Variants in TANK observed in about 807,000 individuals in gnomAD.
TANK encodes the protein TRAF family member-associated NF-kappa-B activator.
A neutral mutation model predicts 43.6 loss-of-function variants in TANK; 15 were observed. The observed-to-expected ratio is 0.34, with a 90% CI of 0.23 to 0.53. The LOEUF is 0.53. Ranked by LOEUF, TANK falls within the 20% of genes least tolerant of loss-of-function variation. The pLI, the probability that TANK is intolerant of heterozygous loss-of-function variation, is 0.94. For missense variants in TANK, 417 were observed against 498.6 expected, an observed-to-expected ratio of 0.84 and a Z score of 1.56; for synonymous variants, 162 against 178.2, an observed-to-expected ratio of 0.91 and a Z score of 0.73.
At chr2:161,185,122 TAG>T (rs1685598622) in intron 2 of TANK, among the ~76,000 whole-genome samples, 1 of 152,032 alleles carries the variant, frequency 6.6e-6, no homozygotes, top group African/African-American at 2.4e-5. Context: ...AGAATAGGCA[TAG>T]AGAGGGAAAA....
chr2:161,146,581 A>G (rs1207437797), intron 1 of TANK, among the ~76,000 whole-genome samples: 2 of 152,080 alleles, frequency 1.3e-5, no homozygotes, highest in Non-Finnish European at 2.9e-5. Context: ...TCTCTTCTGT[A>G]GGACTGCTGA....
rs748933422 is a variant in TANK at position 161,231,390 on chromosome 2, C to G, written c.940C>G (p.Leu314Val). Residue 314 changes from leucine to valine, a missense_variant, in exon 7 of 8, where the codon CTC (leucine) becomes GTC (valine). Leu to Val is a conservative substitution (Grantham distance 32). Transcript: ENST00000392749. ...AACTGACAAAACAAAGCCCTCAAAT[C>G]TCGTAAACACTTGTATCAGGACAAC... is the stretch of plus-strand genomic sequence containing the variant. ...KTTDKTKPSN[L>V]VNTCIRTTLD... The G allele has an allele frequency of 2.5e-6, 4 of 1,614,166 alleles. No homozygotes were observed. The highest frequency in any genetic ancestry group is 1.7e-5 in the Admixed American group (1 of 60,024).
intron 1 of TANK, among the ~76,000 whole-genome samples, chr2:161,174,981 G>A (rs961423029): frequency 6.6e-6 from 1 of 152,140 alleles, no homozygotes; most frequent in Non-Finnish European, 1.5e-5. Context: ...GAATGGGTAA[G>A]ATCATTCCCA....
chr2:161,216,090 G>C (rs373214295), intron 4 of TANK, among the ~76,000 whole-genome samples: 19 of 152,018 alleles, frequency 1.2e-4, no homozygotes, highest in Non-Finnish European at 8.8e-5. Flanking sequence ...ATAGTAGTGT[G>C]ATTTTTGCAT....
intron 3 of TANK, among the ~76,000 whole-genome samples, chr2:161,204,210 T>C (rs1686547094): frequency 6.6e-6 from 1 of 152,178 alleles, no homozygotes; most frequent in African/African-American, 2.4e-5. Context: ...TGATAGAATA[T>C]ATAAACCAAA....
At chr2:161,225,490 A>G (rs908603059) in intron 6 of TANK, among the ~76,000 whole-genome samples, 24 of 152,214 alleles carry the variant, frequency 1.6e-4, no homozygotes, top group African/African-American at 5.8e-4. Flanking sequence ...TGTTTTGTAA[A>G]TGCTGTACCC....
intron 1 of TANK, among the ~76,000 whole-genome samples, chr2:161,154,452 T>C (rs1684167658): frequency 6.6e-6 from 1 of 152,144 alleles, no homozygotes; most frequent in Admixed American, 6.5e-5. Context: ...TTGTAGGTGG[T>C]AAAGAAACAT....
intron 1 of TANK, among the ~76,000 whole-genome samples, chr2:161,150,716 A>G (rs1175421710): frequency 2.0e-5 from 3 of 150,116 alleles, no homozygotes; most frequent in Non-Finnish European, 4.4e-5. Flanking sequence ...CCTCCCAAAT[A>G]GCCGGGATTA....
At chr2:161,165,328 A>G (rs1220232876) in intron 1 of TANK, among the ~76,000 whole-genome samples, 2 of 152,164 alleles carry the variant, frequency 1.3e-5, no homozygotes, top group African/African-American at 4.8e-5. Flanking sequence ...AGAGACTTAG[A>G]TTCTTTCAAA....
In TANK at chr2:161,231,067, C is replaced by T. The variant is rs1214252903; in HGVS notation, c.617C>T (p.Ala206Val). The T allele has an allele frequency of 6.2e-7, 1 of 1,613,876 alleles. No homozygotes were observed. The highest frequency in any genetic ancestry group is 8.5e-7 in the Non-Finnish European group (1 of 1,179,910). Reference protein sequence around the residue: ...PQAKDDINRGAPSITSVTPRG... With the variant: ...PQAKDDINRGVPSITSVTPRG... The stretch of plus-strand genomic sequence containing the variant: ...GCTAAAGATGATATAAATAGAGGTG[C>T]ACCATCCATCACATCTGTCACACCA... The change falls in exon 7 of 8, where the codon GCA becomes GTA. Residue 206 changes from alanine (A) to valine (V), a missense_variant. By Grantham distance (64) the Ala-to-Val change is moderately conservative. Coordinates refer to ENST00000392749, the MANE Select transcript of TANK (RefSeq NM_001199135.3).
intron 1 of TANK, among the ~76,000 whole-genome samples, chr2:161,168,347 A>G: frequency 6.6e-6 from 1 of 152,214 alleles, no homozygotes; most frequent in East Asian, 1.9e-4. Flanking sequence ...CCCAGAAAGG[A>G]ATACAAAAGG....
intron 2 of TANK, among the ~76,000 whole-genome samples, chr2:161,187,427 T>C (rs534070659): frequency 6.6e-6 from 1 of 152,126 alleles, no homozygotes; most frequent in African/African-American, 2.4e-5. Flanking sequence ...AGAGCCTGTC[T>C]CAAAAATAAA....
At chr2:161,200,328 C>A (rs1686346423) in intron 2 of TANK, 1 of 982,922 alleles carries the variant, frequency 1.0e-6, no homozygotes, top group African/African-American at 1.8e-5. Context: ...TATGACTGTG[C>A]AACAATAATC....
chr2:161,137,251 T>C, intron 1 of TANK: 1 of 985,142 alleles, frequency 1.0e-6, no homozygotes, highest in Non-Finnish European at 1.2e-6. Context: ...TGGCTGGACG[T>C]GGTGGGTCAT....
At chr2:161,200,233 G>A in intron 2 of TANK, 1 of 347,918 alleles carries the variant, frequency 2.9e-6, no homozygotes, top group Non-Finnish European at 4.0e-6. Context: ...CATTTTCAAT[G>A]TGGTTGTTAG....
In TANK at chr2:161,160,442, C is replaced by T. The variant is rs1188290625; in HGVS notation, c.-94C>T. On this transcript the variant is annotated 5_prime_UTR_variant, in exon 1 of 8. Transcript: ENST00000392749. ...CGGTTGGAGTCACTCGGCCAGGCGC[C>T]GGCGACCTGAGGGGAGAGGGAACGC... The T allele has an allele frequency of 2.4e-6, 3 of 1,239,370 alleles. No individual in the cohort carries two copies. Among genetic ancestry groups the T allele is most frequent in the Non-Finnish European group, 3.0e-6 (3 of 991,612 alleles). 76.8% of individuals were successfully genotyped at this position (1,239,370 alleles called of 1,614,324 possible).
rs148792414 is a variant in TANK, at chr2:161,139,061, T to G, written c.-50+1998T>G. 5.9e-3 allele frequency among the ~76,000 whole-genome samples: 896 copies of G among 152,342 alleles called. 13 individuals carry two copies. Among genetic ancestry groups the G allele is most frequent in the African/African-American group, 0.02 (840 of 41,588 alleles). ...TTGCTGGCTTCTTAATTTCACAAAT[T>G]TATCTTTCATCTAGCAATTTTATTG... On this transcript the variant is annotated intron_variant, in intron 1 of 7. Transcript: ENST00000259075.
In TANK at chr2:161,230,995, A is replaced by C. The variant is rs750308735; in HGVS notation, c.545A>C (p.Gln182Pro). ...GAAACACAGTGCTCTGTGCCTATAC[A>C]GTGTACGGATAAAACAGATAAACAA... ...ATETQCSVPI[Q>P]CTDKTDKQEA... Residue 182 changes from glutamine to proline, a missense_variant, in exon 7 of 8, where the codon CAG (glutamine) becomes CCG (proline). Transcript: ENST00000392749. 2.0e-5 allele frequency: 32 copies of C among 1,613,946 alleles called. No homozygotes were observed. Among genetic ancestry groups the C allele is most frequent in the Non-Finnish European group, 2.6e-5 (31 of 1,179,954 alleles).
chr2:161,150,056 G>A (rs888723242), intron 1 of TANK, among the ~76,000 whole-genome samples: 3 of 151,948 alleles, frequency 2.0e-5, no homozygotes, highest in Non-Finnish European at 4.4e-5. Context: ...TTGAAAATTT[G>A]GTGTTATTTA....
Sources: gnomAD v4.1 joint callset for allele counts (sites outside exome capture counted in the v4.1 genomes callset) on GRCh38, gnomAD v4.1.1 for gene constraint, MANE v1.5 for transcripts, NCBI Gene and HGNC (gene_info 2026-07-23, HGNC 2026-07-21) for gene names.